The following SLC38A5 variants were observed in gnomAD, a reference collection of about 807,000 sequenced individuals.
SLC38A5 encodes sodium-coupled neutral amino acid transporter 5.
SLC38A5 carries 9 observed loss-of-function variants against 34.6 expected under a neutral mutation model. The observed-to-expected ratio is 0.26, with a 90% CI of 0.16 to 0.45. The LOEUF is 0.45. Ranked by LOEUF, SLC38A5 falls within the 20% of genes least tolerant of loss-of-function variation. The probability of loss-of-function intolerance (pLI) is 1.00; values close to 1 mark genes in which losing one functional copy is unlikely to be tolerated. For missense variants in SLC38A5, 253 were observed against 394.7 expected (o/e 0.64, Z 3.04); for synonymous variants, 157 against 155.6 (o/e 1.01, Z -0.07).
At chrX:48,468,778 AGGTGTGG>A (rs2147079458) in intron 2 of SLC38A5, 2 of 634,276 alleles carry the variant, frequency 3.2e-6, no homozygotes, top group East Asian at 1.7e-4. Flanking sequence ...GAAACTTCCT[AGGTGTGG>A]GGTGTGGGGT....
intron 8 of SLC38A5, among the ~76,000 whole-genome samples, chrX:48,463,640 G>A (rs1463456485): frequency 9.5e-6 from 1 of 105,010 alleles, no homozygotes; most frequent in Admixed American, 1.0e-4. Flanking sequence ...AGCCAGGTAT[G>A]GTGGCGCGTG....
At position 48,462,224 on chromosome X, in the gene SLC38A5, G is replaced by A. The variant is rs371866422; in HGVS notation, c.633+9C>T. 19 of 1,209,661 alleles carry A rather than the reference G, an allele frequency of 1.6e-5. No individual in the cohort carries two copies. Among genetic ancestry groups the A allele is most frequent in the Middle Eastern group, 4.6e-4 (2 of 4,375 alleles). The stretch of plus-strand genomic sequence containing the variant: ...TCCCAAACTCTCTCCCCGCTTCTCT[G>A]TGACTCACCGAAACAAGGAAAAACA... On this transcript the variant is annotated intron_variant, in intron 10 of 16. Coordinates refer to ENST00000620913, the MANE Select transcript of SLC38A5 (RefSeq NM_033518.4).
intron 8 of SLC38A5, among the ~76,000 whole-genome samples, chrX:48,465,808 G>A (rs782028675): frequency 9.0e-6 from 1 of 111,513 alleles, no homozygotes; most frequent in Admixed American, 9.5e-5. Context: ...GCCAGAATAA[G>A]TCACAAAATC....
intron 16 of SLC38A5, 127 bp downstream of exon 16, chrX:48,459,409 G>T: frequency 1.6e-6 from 1 of 640,074 alleles, no homozygotes; most frequent in Non-Finnish European, 2.2e-6. Context: ...CATTCTTCCA[G>T]ACCATTCTTT....
chrX:48,460,967 T>TAGCCCC lies in SLC38A5; in HGVS notation c.952+13_952+18dup. 1 of 459,319 alleles carries TAGCCCC rather than the reference T, an allele frequency of 2.2e-6. No individual in the cohort carries two copies. Among genetic ancestry groups the TAGCCCC allele is most frequent in the Non-Finnish European group, 3.6e-6 (1 of 274,959 alleles). The allele number at this position is 459,319 out of a possible 1,213,427, so 37.9% of individuals were successfully genotyped here. On this transcript the variant is annotated intron_variant, in intron 13 of 16. Transcript: ENST00000620913. The stretch of plus-strand genomic sequence containing the variant: ...CAGGCCTTCCCCCTCCCCCCAGCCC[T>TAGCCCC]AGCCCCAGCCCCACTCACTGTAGAA...
At chrX:48,463,263 G>A (rs782601515) in intron 8 of SLC38A5, among the ~76,000 whole-genome samples, 4 of 112,602 alleles carry the variant, frequency 3.6e-5, no homozygotes, top group African/African-American at 1.3e-4. Flanking sequence ...GCAAGTGGTT[G>A]CACAACCAGA....
chrX:48,462,809 G>T, intron 9 of SLC38A5, 89 bp downstream of exon 9: 1 of 712,984 alleles, frequency 1.4e-6, no homozygotes, highest in Non-Finnish European at 2.1e-6. Flanking sequence ...CTAGTGTGCT[G>T]CAGCCCTTGA....
At chrX:48,459,371 C>T (rs889815558) in intron 16 of SLC38A5, 165 bp downstream of exon 16, 2 of 510,316 alleles carry the variant, frequency 3.9e-6, no homozygotes, top group Non-Finnish European at 6.0e-6. Context: ...TGCTCTGTCT[C>T]CTCTGCCCCT....
At chrX:48,461,856 C>T in intron 11 of SLC38A5, 59 bp from the exon 12 acceptor site, 1 of 1,155,488 alleles carries the variant, frequency 8.7e-7, no homozygotes, top group Non-Finnish European at 1.2e-6. Context: ...CCCTTCTTCC[C>T]ATCCCCCTCC....
In SLC38A5 at chrX:48,460,640, C is replaced by T; in HGVS notation, c.1068+9G>A. 2 of 1,209,005 alleles carry T rather than the reference C, an allele frequency of 1.7e-6. No individual in the cohort carries two copies. The highest frequency in any genetic ancestry group is 2.2e-6 in the Non-Finnish European group (2 of 893,232). ...ATCCATGTCCCTCTCAGCCGTGGGC[C>T]CCACGCACAGGGAACAGCACGACTG... is the stretch of plus-strand genomic sequence containing the variant. On this transcript the variant is annotated intron_variant, in intron 14 of 16. Transcript: ENST00000620913.
Position 48,466,789 on chromosome X carries a change from T to A in SLC38A5, c.319+10A>T. On this transcript the variant is annotated intron_variant, in intron 6 of 16. Coordinates refer to ENST00000620913, the MANE Select transcript of SLC38A5 (RefSeq NM_033518.4). ...GGAGTGGGGACTGGGATCCAGGCTC[T>A]GGGTCTCACCTGCAATACCAGCACA... The A allele has an allele frequency of 8.4e-7, 1 of 1,191,923 alleles. No homozygotes were observed. The highest frequency in any genetic ancestry group is 1.8e-5 in the South Asian group (1 of 54,331).
intron 12 of SLC38A5, 74 bp downstream of exon 12, chrX:48,461,644 A>AG (rs1409736408): frequency 1.0e-6 from 1 of 995,031 alleles, no homozygotes; most frequent in African/African-American, 1.9e-5. Context: ...GGACTGCTGT[A>AG]GGGAGTGTCA....
intron 1 of SLC38A5, 163 bp from the exon 2 acceptor site, chrX:48,469,599 A>G (rs1292470196): frequency 1.8e-5 from 2 of 111,487 alleles, no homozygotes; most frequent in Admixed American, 9.6e-5. Flanking sequence ...GAGGGTGTAG[A>G]CCCACAGCTA....
At chrX:48,469,138 C>T (rs1176834256) in intron 2 of SLC38A5, 197 bp downstream of exon 2, 12 of 459,890 alleles carry the variant, frequency 2.6e-5, no homozygotes, top group Admixed American at 1.8e-4. Flanking sequence ...CACCAGCACC[C>T]TCCGGAGCCT....
intron 9 of SLC38A5, among the ~76,000 whole-genome samples, chrX:48,462,546 T>G (rs1362178208): frequency 9.0e-6 from 1 of 110,731 alleles, no homozygotes; most frequent in East Asian, 2.8e-4. Context: ...AGGCAGAGGT[T>G]GCAGTGAGCC....
intron 12 of SLC38A5, among the ~76,000 whole-genome samples, chrX:48,461,332 C>G (rs1212606781): frequency 1.8e-5 from 2 of 111,088 alleles, no homozygotes; most frequent in Admixed American, 9.6e-5. Flanking sequence ...TTCCATCTGA[C>G]CATCCATGCT....
rs782413540 is a variant in SLC38A5, at chrX:48,462,083, C to G, written c.695G>C (p.Ser232Thr). 8.5e-6 allele frequency: 10 copies of G among 1,171,189 alleles called. No individual in the cohort carries two copies. Among genetic ancestry groups the G allele is most frequent in the Non-Finnish European group, 9.2e-6 (8 of 873,528 alleles). ...AIGHNETAME[S>T]EALVGLPSQG... Reference sequence around the variant, plus strand: ...GCTGGGGAGTCCCACGAGAGCTTCACTCTCCATTGCTGTTTCATTGTGGCC... The same window carrying G: ...GCTGGGGAGTCCCACGAGAGCTTCAGTCTCCATTGCTGTTTCATTGTGGCC... The change falls in exon 11 of 17, where the codon AGT becomes ACT. Residue 232 changes from serine to threonine, a missense_variant. Physicochemically the swap from Ser to Thr is moderately conservative, Grantham distance 58 (BLOSUM62 1). Around this residue, in one of 3 missense-constraint regions of SLC38A5, gnomAD observed 176 missense variants for 273.0 expected, o/e 0.64. Coordinates refer to ENST00000620913, the MANE Select transcript of SLC38A5 (RefSeq NM_033518.4).
At chrX:48,468,534 A>C (rs1217851924) in intron 2 of SLC38A5, 6 of 363,730 alleles carry the variant, frequency 1.6e-5, no homozygotes, top group Non-Finnish European at 2.1e-5. Context: ...TTGGGGACAG[A>C]CTCGGAGACC....
In SLC38A5 at chrX:48,466,330, G is replaced by C. The variant is rs782067721; in HGVS notation, c.320-8C>G. 3 of 1,187,323 alleles carry C rather than the reference G, an allele frequency of 2.5e-6. No individual in the cohort carries two copies. The Admixed American group carries it at 7.0e-5, about 28-fold the overall frequency. On this transcript the variant is annotated splice_polypyrimidine_tract_variant and splice_region_variant and intron_variant, in intron 6 of 16. Coordinates refer to ENST00000620913, the MANE Select transcript of SLC38A5 (RefSeq NM_033518.4). Reference sequence around the variant, plus strand: ...GCTCATAGGCTCGGATGCCTAGCGGGGGGAGTCAGGAACAGGGTTGAAGGT... The same window carrying C: ...GCTCATAGGCTCGGATGCCTAGCGGCGGGAGTCAGGAACAGGGTTGAAGGT...
Sources: gnomAD v4.1 joint callset for allele counts (sites outside exome capture counted in the v4.1 genomes callset) on GRCh38, gnomAD v4.1.1 for gene constraint, gnomAD v4.1.1 regional missense constraint, MANE v1.5 for transcripts, NCBI Gene and HGNC (gene_info 2026-07-23, HGNC 2026-07-21) for gene names.